The following JAZF1 variants were observed in gnomAD, a reference collection of about 807,000 sequenced individuals.
The protein encoded by JAZF1 is JAZF zinc finger 1.
JAZF1 carries 8 observed loss-of-function variants against 26.4 expected under a neutral mutation model. The ratio of observed to expected loss-of-function variants is 0.30; its 90% confidence interval spans 0.18 to 0.55. The LOEUF (loss-of-function observed/expected upper bound fraction) is 0.55. Among genes scored for constraint, JAZF1 ranks in the 20% least tolerant of loss-of-function variants. The pLI, the probability that JAZF1 is intolerant of heterozygous loss-of-function variation, is 0.94. For missense variants in JAZF1, 199 were observed against 322.0 expected (o/e 0.62, Z 2.92); for synonymous variants, 126 against 122.3 (o/e 1.03, Z -0.20).
chr7:27,876,075 C>T (rs1404188505), intron 3 of JAZF1, among the ~76,000 whole-genome samples: 1 of 152,170 alleles, frequency 6.6e-6, no homozygotes, highest in Non-Finnish European at 1.5e-5. Context: ...TTCTGGTCTA[C>T]ATTTGCATAG....
chr7:27,923,453 T>C (rs1002437018), intron 2 of JAZF1, among the ~76,000 whole-genome samples: 1 of 152,208 alleles, frequency 6.6e-6, no homozygotes, highest in African/African-American at 2.4e-5. Context: ...CAGAGTTGAA[T>C]GTCAGACATT....
chr7:28,123,042 T>A (rs1050331865), intron 1 of JAZF1, among the ~76,000 whole-genome samples: 1 of 152,084 alleles, frequency 6.6e-6, no homozygotes, highest in African/African-American at 2.4e-5. Context: ...CTGGGAAGTT[T>A]TTTCCAACTC....
At chr7:27,901,821 G>C (rs1784164787) in intron 2 of JAZF1, among the ~76,000 whole-genome samples, 1 of 152,156 alleles carries the variant, frequency 6.6e-6, no homozygotes, top group Non-Finnish European at 1.5e-5. Flanking sequence ...TGGTTTTATG[G>C]ATATATGGAA....
intron 2 of JAZF1, among the ~76,000 whole-genome samples, chr7:27,920,401 T>C (rs753928218): frequency 7.9e-5 from 12 of 152,192 alleles, no homozygotes; most frequent in Non-Finnish European, 1.5e-4. Flanking sequence ...CTTGGGCATG[T>C]TTTAATTGGT....
At chr7:28,150,915 A>G (rs999319213) in intron 1 of JAZF1, among the ~76,000 whole-genome samples, 1 of 152,262 alleles carries the variant, frequency 6.6e-6, no homozygotes, top group Non-Finnish European at 1.5e-5. Context: ...TTCGATAGGT[A>G]ACGCCATTAA....
At chr7:28,081,553 C>T (rs775418794) in intron 1 of JAZF1, among the ~76,000 whole-genome samples, 1 of 152,182 alleles carries the variant, frequency 6.6e-6, no homozygotes, top group Non-Finnish European at 1.5e-5. Flanking sequence ...CCTGGGGCTA[C>T]AGAACACAGT....
chr7:27,924,693 C>T (rs950842077), intron 2 of JAZF1, among the ~76,000 whole-genome samples: 12 of 152,194 alleles, frequency 7.9e-5, no homozygotes, highest in African/African-American at 2.9e-4. Context: ...GCAGCTAATG[C>T]TATTTCAATT....
intron 1 of JAZF1, among the ~76,000 whole-genome samples, chr7:28,022,033 G>C (rs567710022): frequency 5.3e-5 from 8 of 152,304 alleles, no homozygotes; most frequent in South Asian, 2.1e-4. Flanking sequence ...CTGGGAAAAG[G>C]CTCAATAAAA....
chr7:28,125,914 C>A (rs1782685265), intron 1 of JAZF1, among the ~76,000 whole-genome samples: 1 of 152,162 alleles, frequency 6.6e-6, no homozygotes, highest in African/African-American at 2.4e-5. Context: ...AAGGGCCTTG[C>A]CAACCCAAGA....
At chr7:28,148,062 TCA>T (rs889734244) in intron 1 of JAZF1, among the ~76,000 whole-genome samples, 10 of 142,844 alleles carry the variant, frequency 7.0e-5, no homozygotes, top group African/African-American at 2.0e-4. Flanking sequence ...TGTCACTTTA[TCA>T]CATGTTTCTT....
chr7:28,158,477 G>A (rs903511274), intron 1 of JAZF1, among the ~76,000 whole-genome samples: 3 of 152,108 alleles, frequency 2.0e-5, no homozygotes, highest in Non-Finnish European at 4.4e-5. Context: ...ACAGCAACAG[G>A]TGAATTCCAG....
intron 2 of JAZF1, among the ~76,000 whole-genome samples, chr7:27,924,227 G>A (rs891446109): frequency 4.6e-5 from 7 of 152,084 alleles, no homozygotes; most frequent in African/African-American, 9.7e-5. Flanking sequence ...ACAGGCGCCC[G>A]CCACCATGCC....
chr7:27,981,792 A>T (rs182286662), intron 2 of JAZF1, among the ~76,000 whole-genome samples: 3 of 152,162 alleles, frequency 2.0e-5, no homozygotes, highest in African/African-American at 7.2e-5. Flanking sequence ...TTATCCAAGA[A>T]ATTTCACACC....
rs200703278 is a variant in JAZF1, at chr7:27,943,658, CA to C, written c.189-48243del. 4.0e-4 allele frequency among the ~76,000 whole-genome samples: 61 copies of C among 152,246 alleles called. No homozygotes were observed. The East Asian group carries it at 0.012, about 29-fold the overall frequency. ...AACACTGTGTGGGCTAATTTCTTTC[CA>C]GGGGTACTCAAGTCAGTCATCTCCC... On this transcript the variant is annotated intron_variant, in intron 2 of 4. Coordinates refer to ENST00000283928, the MANE Select transcript of JAZF1 (RefSeq NM_175061.4).
At chr7:28,134,054 G>A (rs1393973568) in intron 1 of JAZF1, among the ~76,000 whole-genome samples, 3 of 152,112 alleles carry the variant, frequency 2.0e-5, no homozygotes, top group South Asian at 2.1e-4. Context: ...CAAACTTCCT[G>A]TAGGCAGGGG....
At chr7:27,932,050 G>A (rs1004123810) in intron 2 of JAZF1, among the ~76,000 whole-genome samples, 1 of 152,174 alleles carries the variant, frequency 6.6e-6, no homozygotes, top group African/African-American at 2.4e-5. Context: ...AACTAATAGC[G>A]TGGGCTATTT....
chr7:28,172,592 A>G (rs899527957), intron 1 of JAZF1, among the ~76,000 whole-genome samples: 2 of 152,218 alleles, frequency 1.3e-5, no homozygotes, highest in Non-Finnish European at 1.5e-5. Context: ...CATACTGACT[A>G]CACTTAGATA....
chr7:28,088,360 C>T (rs532653163), intron 1 of JAZF1, among the ~76,000 whole-genome samples: 77 of 152,346 alleles, frequency 5.1e-4, no homozygotes, highest in African/African-American at 1.8e-3. Flanking sequence ...TTCTTACTGG[C>T]TCCCTGTGCC....
intron 1 of JAZF1, among the ~76,000 whole-genome samples, chr7:28,168,226 CA>C (rs1783398054): frequency 6.6e-6 from 1 of 151,752 alleles, no homozygotes; most frequent in South Asian, 2.1e-4. Context: ...ACTAAAAATA[CA>C]AAAAATTAGC....
Sources: gnomAD v4.1 joint callset for allele counts (sites outside exome capture counted in the v4.1 genomes callset) on GRCh38, gnomAD v4.1.1 for gene constraint, MANE v1.5 for transcripts, NCBI Gene and HGNC (gene_info 2026-07-23, HGNC 2026-07-21) for gene names.